The following PLEKHM3 variants were observed in gnomAD, a reference collection of about 807,000 sequenced individuals.
The protein encoded by PLEKHM3 is pleckstrin homology domain containing M3.
Under a neutral mutation model 81.8 loss-of-function variants are expected in PLEKHM3, and 45 were observed. The ratio of observed to expected loss-of-function variants is 0.55; its 90% confidence interval spans 0.43 to 0.71. The LOEUF is 0.71. Ranked by LOEUF, PLEKHM3 falls within the 30% of genes least tolerant of loss-of-function variation. The probability of loss-of-function intolerance (pLI) is 0.00; values close to 1 mark genes in which losing one functional copy is unlikely to be tolerated. For missense variants in PLEKHM3, 788 were observed against 924.3 expected (o/e 0.85, Z 1.91); for synonymous variants, 352 against 356.4 (o/e 0.99, Z 0.14).
intron 6 of PLEKHM3, among the ~76,000 whole-genome samples, chr2:207,879,493 G>A (rs1177158302): frequency 1.3e-5 from 2 of 152,236 alleles, no homozygotes; most frequent in African/African-American, 4.8e-5. Context: ...GCTAAACTAA[G>A]TATTTCTGGA....
chr2:207,982,912 T>C (rs915788348), intron 2 of PLEKHM3, among the ~76,000 whole-genome samples: 2 of 152,038 alleles, frequency 1.3e-5, no homozygotes, highest in African/African-American at 4.8e-5. Flanking sequence ...TTCTCTGCCT[T>C]ACTCTATTGT....
chr2:207,904,945 GT>G (rs1688555581), intron 6 of PLEKHM3, among the ~76,000 whole-genome samples: 1 of 152,060 alleles, frequency 6.6e-6, no homozygotes, highest in Non-Finnish European at 1.5e-5. Context: ...AGTGCTTTGT[GT>G]ACTATATTAT....
At position 207,888,542 on chromosome 2, in the gene PLEKHM3, G is replaced by A. The variant is rs7584229; in HGVS notation, c.1950+19972C>T. 9.1e-3 allele frequency among the ~76,000 whole-genome samples: 1,386 copies of A among 152,110 alleles called. 17 individuals carry two copies. The highest frequency in any genetic ancestry group is 0.032 in the African/African-American group (1,314 of 41,524). On this transcript the variant is annotated intron_variant, in intron 6 of 7. Transcript: ENST00000427836. ...CTCCCGAGTAGCTGGGATTACAGGC[G>A]CCCGCCACCAAACCAGGTAATTTTT... is the stretch of plus-strand genomic sequence containing the variant.
intron 6 of PLEKHM3, among the ~76,000 whole-genome samples, chr2:207,865,801 A>AAAAAATATAAAAATAT: frequency 4.0e-5 from 1 of 25,300 alleles, no homozygotes; most frequent in Non-Finnish European, 7.6e-5. Flanking sequence ...AAAAAAAAAA[A>AAAAAATATAAAAATAT]AGATATATAT....
intron 6 of PLEKHM3, among the ~76,000 whole-genome samples, chr2:207,879,466 A>G (rs2105846368): frequency 6.6e-6 from 1 of 152,366 alleles, no homozygotes; most frequent in African/African-American, 2.4e-5. Flanking sequence ...AGTGCATTCA[A>G]CCTTTGCATT....
rs754075283 is a variant in PLEKHM3, at chr2:207,828,250, A to C, written c.*69T>G. The C allele has an allele frequency of 6.7e-5, 101 of 1,514,990 alleles. No individual in the cohort carries two copies. The highest frequency in any genetic ancestry group is 8.7e-5 in the Non-Finnish European group (97 of 1,120,278). 93.8% of individuals were successfully genotyped at this position (1,514,990 alleles called of 1,614,324 possible). On this transcript the variant is annotated 3_prime_UTR_variant, in exon 8 of 8. Coordinates refer to ENST00000427836, the MANE Select transcript of PLEKHM3 (RefSeq NM_001080475.3). ...TTCTTCCAAAGGGGTCTAACTGGCT[A>C]GTTAGGAGGCCGCTCTGGGGCTGAT...
intron 1 of PLEKHM3, among the ~76,000 whole-genome samples, chr2:208,016,696 C>CACACACACACACACACACACACACA (rs368432659): frequency 3.4e-5 from 5 of 148,382 alleles, no homozygotes; most frequent in African/African-American, 9.9e-5. Context: ...CACACACACA[C>CACACACACACACACACACACACACA]CCTGGTTTCA....
intron 3 of PLEKHM3, among the ~76,000 whole-genome samples, chr2:207,951,864 T>A (rs921119131): frequency 1.3e-5 from 2 of 152,208 alleles, no homozygotes; most frequent in Non-Finnish European, 2.9e-5. Flanking sequence ...ACTTTACGAC[T>A]ATTACCTTCA....
intron 7 of PLEKHM3, among the ~76,000 whole-genome samples, chr2:207,835,219 A>G (rs1016748708): frequency 6.6e-6 from 1 of 152,188 alleles, no homozygotes; most frequent in Non-Finnish European, 1.5e-5. Context: ...CTGGGATTAC[A>G]GGTGTGAGCC....
At chr2:207,968,865 C>T (rs1691016372) in intron 3 of PLEKHM3, among the ~76,000 whole-genome samples, 1 of 152,160 alleles carries the variant, frequency 6.6e-6, no homozygotes, top group African/African-American at 2.4e-5. Flanking sequence ...CAACAATACG[C>T]TAAACATTTC....
intron 3 of PLEKHM3, among the ~76,000 whole-genome samples, chr2:207,951,435 C>A (rs948577265): frequency 6.6e-6 from 1 of 152,162 alleles, no homozygotes; most frequent in African/African-American, 2.4e-5. Flanking sequence ...TGGATCAAAG[C>A]AAATACATTC....
chr2:207,840,760 T>C (rs914288593), intron 7 of PLEKHM3, among the ~76,000 whole-genome samples: 4 of 151,848 alleles, frequency 2.6e-5, no homozygotes, highest in Non-Finnish European at 5.9e-5. Context: ...TTTATGTTTA[T>C]CTTTACCTAT....
intron 6 of PLEKHM3, among the ~76,000 whole-genome samples, chr2:207,864,510 A>C (rs2092485224): frequency 6.6e-6 from 1 of 152,222 alleles, no homozygotes; most frequent in African/African-American, 2.4e-5. Flanking sequence ...AACAAACTAT[A>C]GTCCATTTAG....
At position 207,977,524 on chromosome 2, in the gene PLEKHM3, C is replaced by G. The variant is rs1559266586; in HGVS notation, c.673G>C (p.Asp225His). 8.1e-6 allele frequency: 13 copies of G among 1,614,042 alleles called. No homozygotes were observed. Among genetic ancestry groups the G allele is most frequent in the Non-Finnish European group, 1.1e-5 (13 of 1,179,968 alleles). ...GCATAACAGCTTTGCCAGTAACTGT[C>G]ATGGTCCTTTCTAATCTCCAGGTAA... ...KGYLEIRKDH[D>H]SYWQSCYAEL... The change falls in exon 3 of 8, where the codon GAC becomes CAC. Residue 225 changes from aspartate to histidine, a missense_variant. Asp to His is a moderately conservative substitution (Grantham distance 81). Transcript: ENST00000427836.
intron 7 of PLEKHM3, among the ~76,000 whole-genome samples, chr2:207,842,710 A>T (rs2092361331): frequency 6.6e-6 from 1 of 152,206 alleles, no homozygotes; most frequent in Non-Finnish European, 1.5e-5. Flanking sequence ...GATGGAACCG[A>T]TAGTCACAAT....
chr2:207,897,965 G>A (rs1039885814), intron 6 of PLEKHM3, among the ~76,000 whole-genome samples: 2 of 152,116 alleles, frequency 1.3e-5, no homozygotes, highest in African/African-American at 4.8e-5. Context: ...AAGTGACCTG[G>A]AATAGCTTGG....
chr2:207,924,265 G>A (rs116134662), intron 5 of PLEKHM3, among the ~76,000 whole-genome samples: 10 of 152,178 alleles, frequency 6.6e-5, no homozygotes, highest in Middle Eastern at 3.4e-3. Flanking sequence ...TGTCCAGTAC[G>A]CAGCTGGACA....
chr2:208,014,621 G>A (rs1446151544), intron 1 of PLEKHM3, among the ~76,000 whole-genome samples: 1 of 152,258 alleles, frequency 6.6e-6, no homozygotes, highest in African/African-American at 2.4e-5. Context: ...TCTGGCCTGG[G>A]CCACAGAGTC....
chr2:207,910,472 A>G (rs764824580), intron 5 of PLEKHM3, among the ~76,000 whole-genome samples: 8 of 152,208 alleles, frequency 5.3e-5, no homozygotes, highest in Non-Finnish European at 8.8e-5. Flanking sequence ...CTGGATGGTA[A>G]ACACAAACTT....
Sources: gnomAD v4.1 joint callset for allele counts (sites outside exome capture counted in the v4.1 genomes callset) on GRCh38, gnomAD v4.1.1 for gene constraint, MANE v1.5 for transcripts, NCBI Gene and HGNC (gene_info 2026-07-23, HGNC 2026-07-21) for gene names.